MLPH: variants seen among roughly 807,000 people sequenced by gnomAD.
MLPH encodes the protein exophilin-3.
A neutral mutation model predicts 72.1 loss-of-function variants in MLPH; 51 were observed. The ratio of observed to expected loss-of-function variants is 0.71; its 90% confidence interval spans 0.56 to 0.89. The LOEUF is 0.89. MLPH is among the 40% of genes least tolerant of loss of function. The pLI is 0.00. For synonymous variants in MLPH, 301 were observed against 310.1 expected (o/e 0.97, Z 0.31); for missense variants, 743 against 759.9 (o/e 0.98, Z 0.26).
intron 9 of MLPH, among the ~76,000 whole-genome samples, chr2:237,539,149 C>T (rs975974330): frequency 8.0e-5 from 12 of 150,694 alleles, no homozygotes; most frequent in Non-Finnish European, 1.5e-4. Context: ...TATGGGGGGG[C>T]GGGGAGGCTT....
intron 4 of MLPH, among the ~76,000 whole-genome samples, chr2:237,517,499 A>C (rs916693627): frequency 2.0e-5 from 3 of 150,846 alleles, no homozygotes; most frequent in African/African-American, 7.3e-5. Flanking sequence ...GGATAGATGG[A>C]TAGATGTCTG....
At chr2:237,526,233 G>A (rs553675607) in intron 7 of MLPH, among the ~76,000 whole-genome samples, 38 of 152,242 alleles carry the variant, frequency 2.5e-4, no homozygotes, top group African/African-American at 7.5e-4. Flanking sequence ...AAATCTGCTT[G>A]GCTTAACTTT....
rs2080080401 is a variant in MLPH, at chr2:237,517,749, A to ATAAG, written c.446-789_446-788insAAGT. On this transcript the variant is annotated intron_variant, in intron 4 of 15. Coordinates refer to ENST00000264605, the MANE Select transcript of MLPH (RefSeq NM_024101.7). ...AGTGGGTGGATGGATGGATGGATGG[A>ATAAG]TGGATGGATGGATGGATAAGTAAAT... Among the ~76,000 whole-genome samples the ATAAG allele has an allele frequency of 2.9e-5, 4 of 140,016 alleles. No individual in the cohort carries two copies. The South Asian group carries it at 6.8e-4, about 24-fold the overall frequency. The allele number at this position is 140,016 out of a possible 152,430, so 91.9% of individuals were successfully genotyped here. A position where few individuals can be genotyped will look rare whatever the true frequency, so the allele number is the denominator to read the frequency against.
intron 8 of MLPH, among the ~76,000 whole-genome samples, chr2:237,529,841 A>G (rs2080381534): frequency 6.6e-6 from 1 of 152,220 alleles, no homozygotes; most frequent in Non-Finnish European, 1.5e-5. Context: ...TGCCTGGTAC[A>G]GAGCCCCTCC....
chr2:237,497,018 C>T (rs971404859), intron 2 of MLPH, among the ~76,000 whole-genome samples: 1 of 151,862 alleles, frequency 6.6e-6, no homozygotes, highest in African/African-American at 2.4e-5. Context: ...ATGTGAGGGG[C>T]TGGGGGAGGA....
At chr2:237,529,898 C>T (rs2080383728) in intron 8 of MLPH, among the ~76,000 whole-genome samples, 1 of 152,224 alleles carries the variant, frequency 6.6e-6, no homozygotes, top group Non-Finnish European at 1.5e-5. Flanking sequence ...TGTGGAGCTT[C>T]CCTTCGGGCC....
intron 2 of MLPH, among the ~76,000 whole-genome samples, chr2:237,501,982 G>GT (rs1221783659): frequency 6.6e-6 from 1 of 152,064 alleles, no homozygotes; most frequent in South Asian, 2.1e-4. Context: ...TTTCAGCTCT[G>GT]TTTTTTTAAT....
intron 5 of MLPH, 59 bp from the exon 6 acceptor site, chr2:237,519,851 T>C: frequency 6.2e-7 from 1 of 1,613,204 alleles, no homozygotes; most frequent in Non-Finnish European, 8.5e-7. Context: ...GCAGGGTATT[T>C]GGTCCTCTCC....
At chr2:237,493,319 G>A (rs551191949) in intron 1 of MLPH, 84 bp from the exon 2 acceptor site, 276 of 874,884 alleles carry the variant, frequency 3.2e-4, no homozygotes, top group Admixed American at 1.9e-3. Context: ...AGTCAGCAGC[G>A]TTCTGTGTTG....
At position 237,524,302 on chromosome 2, in the gene MLPH, A is replaced by AATATATAT. The variant is rs139706602; in HGVS notation, c.676-1287_676-1280dup. The stretch of plus-strand genomic sequence containing the variant: ...TTTCTTAGAGGGACAGAACTAATAG[A>AATATATAT]ATATATATATATATATATAAAGGGG... On this transcript the variant is annotated intron_variant, in intron 6 of 15. Coordinates refer to ENST00000264605, the MANE Select transcript of MLPH (RefSeq NM_024101.7). Among the ~76,000 whole-genome samples the AATATATAT allele has an allele frequency of 4.4e-3, 560 of 127,356 alleles. 39 individuals carry two copies. Among genetic ancestry groups the AATATATAT allele is most frequent in the African/African-American group, 0.016 (380 of 24,330 alleles). 83.6% of individuals were successfully genotyped at this position (127,356 alleles called of 152,430 possible). A position where few individuals can be genotyped will look rare whatever the true frequency, so the allele number is the denominator to read the frequency against.
intron 6 of MLPH, among the ~76,000 whole-genome samples, chr2:237,522,399 A>G (rs2080206342): frequency 9.6e-6 from 1 of 104,038 alleles, no homozygotes; most frequent in Non-Finnish European, 2.0e-5. Context: ...AACACCTGCT[A>G]CAACTATAGT....
At chr2:237,501,895 G>A (rs1290236598) in intron 2 of MLPH, among the ~76,000 whole-genome samples, 3 of 151,984 alleles carry the variant, frequency 2.0e-5, no homozygotes, top group African/African-American at 7.3e-5. Flanking sequence ...AAACTTTTCC[G>A]CTCATCTCCA....
At chr2:237,552,213 A>G (rs2081053824) in intron 14 of MLPH, 124 bp from the exon 15 acceptor site, 1 of 713,642 alleles carries the variant, frequency 1.4e-6, no homozygotes, top group Non-Finnish European at 2.5e-6. Context: ...GTGATGTGGA[A>G]GCTTCTTAAA....
intron 2 of MLPH, among the ~76,000 whole-genome samples, chr2:237,502,529 AGCT>A (rs2079673683): frequency 1.3e-5 from 2 of 152,208 alleles, no homozygotes; most frequent in Non-Finnish European, 2.9e-5. Context: ...GTAGCCCCTC[AGCT>A]GTGGTTATGG....
At chr2:237,533,181 C>T (rs555794009) in intron 8 of MLPH, among the ~76,000 whole-genome samples, 8 of 152,288 alleles carry the variant, frequency 5.3e-5, no homozygotes, top group East Asian at 1.9e-4. Flanking sequence ...CGCCCACCCA[C>T]GTTAGACTCT....
chr2:237,514,100 A>C (rs928783064), intron 4 of MLPH, among the ~76,000 whole-genome samples: 2 of 152,114 alleles, frequency 1.3e-5, no homozygotes, highest in African/African-American at 4.8e-5. Flanking sequence ...TTATATAACA[A>C]GGCCGGACCT....
chr2:237,531,922 G>A (rs2080429675), intron 8 of MLPH, among the ~76,000 whole-genome samples: 1 of 152,136 alleles, frequency 6.6e-6, no homozygotes, highest in South Asian at 2.1e-4. Context: ...AAAAAAAGTA[G>A]AAGTTTCAGC....
rs1157832648 is a variant in MLPH at position 237,525,620 on chromosome 2, G to T, written c.695G>T (p.Cys232Phe). ...GCTTAGTCCCTCACAGATGAGTCCTGCTCAGAGAAGGCAGCCCCTCACAAG... is the reference window on the plus strand; with the variant it reads ...GCTTAGTCCCTCACAGATGAGTCCTTCTCAGAGAAGGCAGCCCCTCACAAG... Reference protein sequence around the residue: ...DSPQSLTDESCSEKAAPHKAE... With the variant: ...DSPQSLTDESFSEKAAPHKAE... The change falls in exon 7 of 16, where the codon TGC (cysteine) becomes TTC (phenylalanine). Residue 232 changes from cysteine to phenylalanine, a missense_variant. By Grantham distance (205) the Cys-to-Phe change is radical (BLOSUM62 -2). Coordinates refer to ENST00000264605, the MANE Select transcript of MLPH (RefSeq NM_024101.7). 6.8e-6 allele frequency: 11 copies of T among 1,614,126 alleles called. No homozygotes were observed. The highest frequency in any genetic ancestry group is 9.3e-6 in the Non-Finnish European group (11 of 1,180,026).
At chr2:237,547,270 G>T (rs1474149886) in intron 13 of MLPH, among the ~76,000 whole-genome samples, 4 of 152,292 alleles carry the variant, frequency 2.6e-5, no homozygotes, top group Non-Finnish European at 5.9e-5. Flanking sequence ...GACTCGGGGG[G>T]TGTGAGCGGG....
Sources: allele counts gnomAD v4.1 joint callset (sites outside exome capture counted in the v4.1 genomes callset), GRCh38; gene constraint gnomAD v4.1.1; transcripts MANE v1.5; gene names NCBI Gene and HGNC (gene_info 2026-07-23, HGNC 2026-07-21).